The following PIK3C2G variants were observed in gnomAD, a reference collection of about 807,000 sequenced individuals.
The protein encoded by PIK3C2G is phosphatidylinositol-4-phosphate 3-kinase catalytic subunit type 2 gamma, also known as phosphatidylinositol 3-kinase C2 domain-containing subunit gamma.
Under a neutral mutation model 181.1 loss-of-function variants are expected in PIK3C2G, and 168 were observed. That is an observed-to-expected ratio of 0.93 (90% confidence interval 0.82 to 1.05). The LOEUF (loss-of-function observed/expected upper bound fraction) is 1.05, where lower values mean the gene tolerates loss of function less well. Among genes scored for constraint, PIK3C2G ranks in the 50% least tolerant of loss-of-function variants. The pLI is 0.00. For missense variants in PIK3C2G, 1,869 were observed against 1,732.8 expected (o/e 1.08, Z -1.40); for synonymous variants, 573 against 592.2 (o/e 0.97, Z 0.47).
intron 30 of PIK3C2G, among the ~76,000 whole-genome samples, chr12:18,598,522 G>A (rs1337197578): frequency 2.0e-4 from 30 of 151,826 alleles, no homozygotes; most frequent in South Asian, 4.2e-4. Context: ...AGACTTAAAC[G>A]TTAGACCTAA....
intron 8 of PIK3C2G, among the ~76,000 whole-genome samples, chr12:18,337,470 T>C (rs966732269): frequency 2.0e-5 from 3 of 152,078 alleles, no homozygotes; most frequent in Non-Finnish European, 4.4e-5. Context: ...GTCTGAGTAA[T>C]TTATAAAGAA....
chr12:18,257,697 A>G (rs1277775416), upstream of PIK3C2G, among the ~76,000 whole-genome samples: 12 of 150,444 alleles, frequency 8.0e-5, no homozygotes, highest in African/African-American at 2.9e-4. Flanking sequence ...GAAAAAAGAA[A>G]GAAGACAAAG....
chr12:18,343,466 AACACAC>A (rs61320852), intron 10 of PIK3C2G, 106 bp downstream of exon 10: 148 of 495,364 alleles, frequency 3.0e-4, no homozygotes, highest in African/African-American at 2.3e-3. Context: ...GGTAACACAC[AACACAC>A]ACACACACAC....
downstream of PIK3C2G, among the ~76,000 whole-genome samples, chr12:18,649,133 C>T (rs1213937498): frequency 2.6e-5 from 4 of 152,094 alleles, no homozygotes; most frequent in East Asian, 3.9e-4. Context: ...TTCTGCTAGA[C>T]GATTATACAC....
intron 11 of PIK3C2G, among the ~76,000 whole-genome samples, chr12:18,356,709 T>C (rs2137750182): frequency 6.6e-6 from 1 of 152,176 alleles, no homozygotes; most frequent in South Asian, 2.1e-4. Context: ...GGTGGTCTTT[T>C]CCTGGAGTTC....
chr12:18,615,367 G>GTGTGTGTGTA lies in PIK3C2G; in HGVS notation c.4182+5741_4182+5742insGTGTGTATGT, dbSNP rs1163460591. 2.5e-3 allele frequency among the ~76,000 whole-genome samples: 223 copies of GTGTGTGTGTA among 88,558 alleles called. 1 individual carries two copies. Among genetic ancestry groups the GTGTGTGTGTA allele is most frequent in the African/African-American group, 7.9e-3 (204 of 25,796 alleles). The allele number at this position is 88,558 out of a possible 152,430, so 58.1% of individuals were successfully genotyped here. A position where few individuals can be genotyped will look rare whatever the true frequency, so the allele number is the denominator to read the frequency against. ...TGTGTGTGTGTGTGTGTGTGTGTGTGTGTATGTGTATATATATATATCACG... is the reference window on the plus strand; with the variant it reads ...TGTGTGTGTGTGTGTGTGTGTGTGTGTGTGTGTGTATGTATGTGTATATATATATATCACG... On this transcript the variant is annotated intron_variant, in intron 31 of 32. Transcript: ENST00000538779.
intron 1 of PIK3C2G, among the ~76,000 whole-genome samples, chr12:18,278,613 G>A (rs1306672561): frequency 1.3e-5 from 2 of 152,152 alleles, no homozygotes; most frequent in Non-Finnish European, 2.9e-5. Flanking sequence ...TGCAGTCTTA[G>A]TTAAATCAGG....
At chr12:18,700,690 ATCAAG>A in the PIK3C2G span, among the ~76,000 whole-genome samples, 1 of 152,098 alleles carries the variant, frequency 6.6e-6, no homozygotes, top group Admixed American at 6.6e-5. Context: ...GAGACACTAT[ATCAAG>A]TCATTTTTTA....
the PIK3C2G span, among the ~76,000 whole-genome samples, chr12:18,725,971 G>T: frequency 6.6e-6 from 1 of 152,070 alleles, no homozygotes; most frequent in East Asian, 1.9e-4. Flanking sequence ...TATTAGATTG[G>T]AATGACAGCC....
intron 30 of PIK3C2G, among the ~76,000 whole-genome samples, chr12:18,603,910 AG>A (rs1198952636): frequency 6.6e-6 from 1 of 152,194 alleles, no homozygotes; most frequent in African/African-American, 2.4e-5. Flanking sequence ...CACATCAAAA[AG>A]AATCTCTTTA....
intron 5 of PIK3C2G, among the ~76,000 whole-genome samples, chr12:18,304,632 T>G (rs1950343529): frequency 6.6e-6 from 1 of 152,220 alleles, no homozygotes; most frequent in South Asian, 2.1e-4. Context: ...AAAATAAAAC[T>G]ATTAATTACC....
chr12:18,319,447 T>C (rs1213574973), intron 6 of PIK3C2G, among the ~76,000 whole-genome samples: 1 of 152,160 alleles, frequency 6.6e-6, no homozygotes, highest in Non-Finnish European at 1.5e-5. Flanking sequence ...CCTCCAGCTT[T>C]TGTTTTTTTT....
At chr12:18,653,936 C>A in the PIK3C2G span, among the ~76,000 whole-genome samples, 1 of 152,046 alleles carries the variant, frequency 6.6e-6, no homozygotes, top group Admixed American at 6.6e-5. Flanking sequence ...TACCTGTCAG[C>A]CTTCTGGCTC....
rs567251988 is a variant in PIK3C2G, at chr12:18,381,703, G to A, written c.1881-63G>A. ...TATATTCCAAAAGAAAACATTTACA[G>A]ATAATTATAACTTCCCTCATGAAGT... On this transcript the variant is annotated intron_variant, in intron 13 of 32. Coordinates refer to ENST00000538779, the MANE Select transcript of PIK3C2G (RefSeq NM_001288772.2). 1.3e-3 allele frequency: 1,181 copies of A among 943,374 alleles called. 1 individual carries two copies. Among genetic ancestry groups the A allele is most frequent in the Non-Finnish European group, 1.7e-3 (1,007 of 576,610 alleles). The allele number at this position is 943,374 out of a possible 1,614,324, so 58.4% of individuals were successfully genotyped here.
intron 26 of PIK3C2G, among the ~76,000 whole-genome samples, chr12:18,559,368 C>G (rs979890607): frequency 2.0e-5 from 3 of 151,966 alleles, no homozygotes; most frequent in African/African-American, 7.2e-5. Context: ...CATTAAATTA[C>G]AAGATTTGTG....
At chr12:18,251,873 A>G (rs1030515839) in intron 1 of PIK3C2G, among the ~76,000 whole-genome samples, 5 of 152,074 alleles carry the variant, frequency 3.3e-5, no homozygotes, top group Non-Finnish European at 7.4e-5. Flanking sequence ...GAAGATACCA[A>G]AATTACACGT....
rs116084672 is a variant in PIK3C2G, at chr12:18,460,865, T to C, written c.2505-27584T>C. Among the ~76,000 whole-genome samples, 1,070 of 152,090 alleles carry C rather than the reference T, an allele frequency of 7.0e-3. 6 individuals carry two copies. Among genetic ancestry groups the C allele is most frequent in the African/African-American group, 0.019 (785 of 41,490 alleles). On this transcript the variant is annotated intron_variant, in intron 18 of 32. Transcript: ENST00000538779. The stretch of plus-strand genomic sequence containing the variant: ...AAATCCCAGATCTCTCACTCATTAT[T>C]TACATCACCTTACACTTTCTGGGGT...
intron 28 of PIK3C2G, 132 bp from the exon 29 acceptor site, chr12:18,566,817 C>T (rs890003485): frequency 1.5e-6 from 1 of 648,330 alleles, no homozygotes; most frequent in East Asian, 2.8e-5. Flanking sequence ...GGATTAATCA[C>T]GTAGACTATG....
At chr12:18,366,833 G>C (rs1941680249) in intron 12 of PIK3C2G, among the ~76,000 whole-genome samples, 1 of 150,880 alleles carries the variant, frequency 6.6e-6, no homozygotes, top group Non-Finnish European at 1.5e-5. Flanking sequence ...CTTTTAAGTA[G>C]CTATACAAAA....
Sources: allele counts gnomAD v4.1 joint callset (sites outside exome capture counted in the v4.1 genomes callset), GRCh38; gene constraint gnomAD v4.1.1; transcripts MANE v1.5; gene names NCBI Gene and HGNC (gene_info 2026-07-23, HGNC 2026-07-21).